The following POU6F2 variants were observed in gnomAD, a reference collection of about 807,000 sequenced individuals.
POU6F2 encodes the protein POU class 6 homeobox 2.
Under a neutral mutation model 71.3 loss-of-function variants are expected in POU6F2, and 31 were observed. The ratio of observed to expected loss-of-function variants is 0.43; its 90% CI spans 0.33 to 0.59. The LOEUF is 0.59. POU6F2 is among the 20% of genes least tolerant of loss of function. The pLI is 0.04. For missense variants in POU6F2, 783 were observed against 856.8 expected (o/e 0.91, Z 1.07); for synonymous variants, 347 against 355.7 (o/e 0.98, Z 0.27).
At chr7:39,061,161 C>T (rs951867712) in intron 1 of POU6F2, among the ~76,000 whole-genome samples, 1 of 151,888 alleles carries the variant, frequency 6.6e-6, no homozygotes, top group Admixed American at 6.6e-5. Flanking sequence ...TATTATTTTA[C>T]ATTTGACATG....
intron 4 of POU6F2, among the ~76,000 whole-genome samples, chr7:39,229,259 A>G (rs1471803416): frequency 6.6e-6 from 1 of 152,260 alleles, no homozygotes; most frequent in Non-Finnish European, 1.5e-5. Context: ...GCCCCACTTC[A>G]GTAGGCTGTC....
At chr7:39,226,851 A>G (rs1480178661) in intron 4 of POU6F2, among the ~76,000 whole-genome samples, 3 of 152,224 alleles carry the variant, frequency 2.0e-5, no homozygotes, top group Non-Finnish European at 4.4e-5. Flanking sequence ...TCATATTTCA[A>G]TAGTAATGAG....
intron 1 of POU6F2, among the ~76,000 whole-genome samples, chr7:38,981,673 C>G (rs1788319653): frequency 6.6e-6 from 1 of 152,086 alleles, no homozygotes; most frequent in South Asian, 2.1e-4. Flanking sequence ...GAGAAGAGAC[C>G]ACACATTCTA....
At chr7:39,015,266 G>C (rs1789441898) in intron 1 of POU6F2, among the ~76,000 whole-genome samples, 1 of 136,394 alleles carries the variant, frequency 7.3e-6, no homozygotes, top group South Asian at 2.2e-4. Flanking sequence ...TATATCTAGA[G>C]ATATGGTATC....
chr7:39,237,657 C>T (rs1471491818), intron 4 of POU6F2, among the ~76,000 whole-genome samples: 1 of 152,092 alleles, frequency 6.6e-6, no homozygotes, highest in Non-Finnish European at 1.5e-5. Flanking sequence ...CCCTCAGAAA[C>T]AACAGTTAGT....
intron 5 of POU6F2, among the ~76,000 whole-genome samples, chr7:39,345,404 C>A (rs901815717): frequency 6.6e-6 from 1 of 152,168 alleles, no homozygotes; most frequent in African/African-American, 2.4e-5. Context: ...ATCTCACTTT[C>A]TAGTTGAACT....
chr7:39,060,516 T>C (rs1380501073), intron 1 of POU6F2, among the ~76,000 whole-genome samples: 2 of 152,260 alleles, frequency 1.3e-5, no homozygotes, highest in East Asian at 3.9e-4. Context: ...AGTAACTAAA[T>C]ATATGAAAAT....
chr7:39,132,636 A>C (rs1490459160), intron 2 of POU6F2: 1 of 152,212 alleles, frequency 6.6e-6, no homozygotes, highest in Non-Finnish European at 1.5e-5. Flanking sequence ...ACAATTGGTC[A>C]CATATTGATA....
intron 2 of POU6F2, among the ~76,000 whole-genome samples, chr7:39,097,193 G>GTTT (rs1221986129): frequency 1.3e-5 from 2 of 151,768 alleles, no homozygotes; most frequent in Non-Finnish European, 1.5e-5. Context: ...AAATAAAAGG[G>GTTT]TTATTATTAT....
intron 4 of POU6F2, among the ~76,000 whole-genome samples, chr7:39,283,703 A>C (rs1003021999): frequency 1.3e-5 from 2 of 152,188 alleles, no homozygotes; most frequent in African/African-American, 4.8e-5. Context: ...CTTTTTGGCT[A>C]TTGAGCAAAT....
At chr7:39,054,254 T>C (rs548920650) in intron 1 of POU6F2, among the ~76,000 whole-genome samples, 2 of 152,238 alleles carry the variant, frequency 1.3e-5, no homozygotes, top group East Asian at 3.9e-4. Context: ...TTGAGAATAA[T>C]AATTATTATT....
chr7:39,021,058 G>C (rs1442901567), intron 1 of POU6F2, among the ~76,000 whole-genome samples: 2 of 151,508 alleles, frequency 1.3e-5, no homozygotes, highest in African/African-American at 4.8e-5. Flanking sequence ...ATGGAGAAAT[G>C]TAATTCCTTC....
At chr7:39,043,815 T>C (rs1175398410) in intron 1 of POU6F2, among the ~76,000 whole-genome samples, 1 of 151,918 alleles carries the variant, frequency 6.6e-6, no homozygotes, top group East Asian at 1.9e-4. Context: ...AAGGAAAACA[T>C]CCTCAAGTTG....
At chr7:39,296,022 A>G (rs891690284) in intron 4 of POU6F2, among the ~76,000 whole-genome samples, 2 of 152,178 alleles carry the variant, frequency 1.3e-5, no homozygotes, top group Admixed American at 6.5e-5. Flanking sequence ...TTATCACATA[A>G]ATGTCATCTG....
At chr7:38,990,211 C>CA (rs886757028) in intron 1 of POU6F2, among the ~76,000 whole-genome samples, 4 of 151,564 alleles carry the variant, frequency 2.6e-5, no homozygotes, top group Non-Finnish European at 4.4e-5. Flanking sequence ...AGGATTCTAC[C>CA]AAAAAAAGTA....
At chr7:39,076,158 T>TTTC (rs1360847890) in intron 1 of POU6F2, among the ~76,000 whole-genome samples, 1 of 152,058 alleles carries the variant, frequency 6.6e-6, no homozygotes, top group Non-Finnish European at 1.5e-5. Flanking sequence ...CCTTTTTCCT[T>TTTC]TCCTTTCTCC....
chr7:39,331,641 GGGACTACA>G (rs1262734091), intron 4 of POU6F2, among the ~76,000 whole-genome samples: 1 of 152,084 alleles, frequency 6.6e-6, no homozygotes, highest in Non-Finnish European at 1.5e-5. Context: ...CTGAGTAGCT[GGGACTACA>G]GGCACACGCC....
At chr7:39,090,502 C>T (rs1022896930) in intron 2 of POU6F2, among the ~76,000 whole-genome samples, 1 of 152,072 alleles carries the variant, frequency 6.6e-6, no homozygotes, top group African/African-American at 2.4e-5. Context: ...TATGGGATCA[C>T]TGTCTTCATT....
intron 6 of POU6F2, among the ~76,000 whole-genome samples, chr7:39,413,733 T>C (rs1160290971): frequency 1.3e-5 from 2 of 152,190 alleles, no homozygotes; most frequent in Non-Finnish European, 2.9e-5. Flanking sequence ...GGGAAATATA[T>C]ATGTTCATGG....
Sources: allele counts gnomAD v4.1 joint callset (sites outside exome capture counted in the v4.1 genomes callset), GRCh38; gene constraint gnomAD v4.1.1; transcripts MANE v1.5; gene names NCBI Gene and HGNC (gene_info 2026-07-23, HGNC 2026-07-21).